GLRA2: variants seen among roughly 807,000 people sequenced by gnomAD.
The protein encoded by GLRA2 is glycine receptor alpha 2.
Under a neutral mutation model 31.6 loss-of-function variants are expected in GLRA2, and 11 were observed. That is an observed-to-expected ratio of 0.35 (90% CI 0.22 to 0.58). The LOEUF (loss-of-function observed/expected upper bound fraction) is 0.58, where lower values mean the gene tolerates loss of function less well. GLRA2 is among the 20% of genes least tolerant of loss of function. The probability of loss-of-function intolerance (pLI) is 0.84; values close to 1 mark genes in which losing one functional copy is unlikely to be tolerated. For synonymous variants in GLRA2, 132 were observed against 134.0 expected (o/e 0.99, Z 0.10); for missense variants, 212 against 351.8 (o/e 0.60, Z 3.18).
intron 8 of GLRA2, among the ~76,000 whole-genome samples, chrX:14,719,275 TAGG>T (rs2091833427): frequency 8.9e-6 from 1 of 112,127 alleles, no homozygotes; most frequent in Admixed American, 9.5e-5. Context: ...ACCTGAAGAA[TAGG>T]AGAAGACACT....
intron 7 of GLRA2, 97 bp downstream of exon 7, chrX:14,609,302 G>T: frequency 2.0e-6 from 1 of 498,693 alleles, no homozygotes; most frequent in South Asian, 3.3e-5. Flanking sequence ...GCCACCCTAT[G>T]ACACTGTCAT....
the GLRA2 span, among the ~76,000 whole-genome samples, chrX:14,490,667 G>A: frequency 0.012 from 1,352 of 111,759 alleles, 19 homozygotes; most frequent in African/African-American, 0.039. Context: ...TTCATGGCTG[G>A]ATGAAACAAA....
chrX:14,487,826 T>C, the GLRA2 span, among the ~76,000 whole-genome samples: 1 of 111,802 alleles, frequency 8.9e-6, no homozygotes, highest in Non-Finnish European at 1.9e-5. Context: ...AAAGCAGGCA[T>C]TGCTAATCTG....
At chrX:14,526,914 A>G (rs1376441328), upstream of GLRA2, among the ~76,000 whole-genome samples, 1 of 111,537 alleles carries the variant, frequency 9.0e-6, no homozygotes, top group Non-Finnish European at 1.9e-5. Context: ...TTTATAGGCC[A>G]GGTAGAGGAG....
chrX:14,457,166 C>T, the GLRA2 span, among the ~76,000 whole-genome samples: 22 of 110,500 alleles, frequency 2.0e-4, no homozygotes, highest in Middle Eastern at 4.6e-3. Context: ...GTTTGTATTT[C>T]TTCTTTTGAA....
intron 8 of GLRA2, among the ~76,000 whole-genome samples, chrX:14,724,626 C>CAAAAAAAAAAAAAAAAAAAAA (rs758722703): frequency 4.0e-5 from 2 of 49,581 alleles, no homozygotes; most frequent in African/African-American, 1.7e-4. Flanking sequence ...AACTCTGTCT[C>CAAAAAAAAAAAAAAAAAAAAA]AAAAAAAAAA....
At chrX:14,509,448 A>T in the GLRA2 span, among the ~76,000 whole-genome samples, 1 of 112,739 alleles carries the variant, frequency 8.9e-6, no homozygotes, top group Non-Finnish European at 1.9e-5. Flanking sequence ...CAAAAATTAG[A>T]TGAGCTCTGT....
At chrX:14,478,058 C>T in the GLRA2 span, among the ~76,000 whole-genome samples, 1 of 110,543 alleles carries the variant, frequency 9.0e-6, no homozygotes, top group African/African-American at 3.3e-5. Context: ...TACTGTTTTT[C>T]ACTATGTGGA....
At chrX:14,717,073 T>C in intron 8 of GLRA2, among the ~76,000 whole-genome samples, 1 of 111,505 alleles carries the variant, frequency 9.0e-6, no homozygotes, top group East Asian at 2.8e-4. Flanking sequence ...AGTTTAGAAG[T>C]ATATCTTAAT....
chrX:14,604,914 G>C (rs1459708254), intron 5 of GLRA2, among the ~76,000 whole-genome samples: 1 of 110,461 alleles, frequency 9.1e-6, no homozygotes, highest in Non-Finnish European at 1.9e-5. Context: ...TGAGGGGCAT[G>C]AGATGAGATG....
At chrX:14,519,705 A>T in the GLRA2 span, among the ~76,000 whole-genome samples, 28 of 112,236 alleles carry the variant, frequency 2.5e-4, no homozygotes, top group African/African-American at 8.4e-4. Flanking sequence ...CGTCTTGGGT[A>T]TCAGTAAGCT....
chrX:14,695,371 C>T (rs1262021825), intron 8 of GLRA2, among the ~76,000 whole-genome samples: 1 of 111,584 alleles, frequency 9.0e-6, no homozygotes, highest in East Asian at 2.8e-4. Flanking sequence ...TAAAAGAATG[C>T]ATTTGGCAAA....
At chrX:14,681,931 G>GTATATATA (rs1348338618) in intron 7 of GLRA2, among the ~76,000 whole-genome samples, 3 of 56,482 alleles carry the variant, frequency 5.3e-5, no homozygotes, top group Non-Finnish European at 1.1e-4. Flanking sequence ...ATATATATAT[G>GTATATATA]TATATATATG....
chrX:14,676,995 G>A (rs2091152162), intron 7 of GLRA2, among the ~76,000 whole-genome samples: 1 of 111,740 alleles, frequency 8.9e-6, no homozygotes, highest in Non-Finnish European at 1.9e-5. Context: ...TCAAACAACA[G>A]ATAAATGCTT....
At chrX:14,669,911 C>T (rs1339426628) in intron 7 of GLRA2, among the ~76,000 whole-genome samples, 1 of 112,686 alleles carries the variant, frequency 8.9e-6, no homozygotes, top group African/African-American at 3.2e-5. Flanking sequence ...AATTTCTCCT[C>T]AGAAAATGGG....
At chrX:14,597,395 GAAAT>G (rs1437139338) in intron 4 of GLRA2, among the ~76,000 whole-genome samples, 1 of 111,878 alleles carries the variant, frequency 8.9e-6, no homozygotes, top group Non-Finnish European at 1.9e-5. Flanking sequence ...CCTATAAGAG[GAAAT>G]CCTTCAAGCT....
intron 7 of GLRA2, among the ~76,000 whole-genome samples, chrX:14,617,352 C>T (rs2090464962): frequency 9.0e-6 from 1 of 111,628 alleles, no homozygotes; most frequent in East Asian, 2.8e-4. Flanking sequence ...AACAGAACTT[C>T]TGTCCTTAAG....
At chrX:14,721,837 G>A (rs757782627) in intron 8 of GLRA2, among the ~76,000 whole-genome samples, 1 of 111,420 alleles carries the variant, frequency 9.0e-6, no homozygotes, top group Non-Finnish European at 1.9e-5. Context: ...AGCATCCTCA[G>A]TGCTCTATCT....
At chrX:14,531,139 A>G (rs2089249628) in intron 1 of GLRA2, 1 of 945,557 alleles carries the variant, frequency 1.1e-6, no homozygotes, top group Non-Finnish European at 1.4e-6. Flanking sequence ...ATCATAATCA[A>G]ATAATACTTG....
Sources: gnomAD v4.1 joint callset for allele counts (sites outside exome capture counted in the v4.1 genomes callset) on GRCh38, gnomAD v4.1.1 for gene constraint, MANE v1.5 for transcripts, NCBI Gene and HGNC (gene_info 2026-07-23, HGNC 2026-07-21) for gene names.